Variants in PPP1R14C observed in about 807,000 individuals in gnomAD.
The protein encoded by PPP1R14C is protein phosphatase 1 regulatory subunit 14C.
PPP1R14C carries 16 observed loss-of-function variants against 20.4 expected under a neutral mutation model. The ratio of observed to expected loss-of-function variants is 0.78; its 90% CI spans 0.53 to 1.19. PPP1R14C has a LOEUF of 1.19. Among genes scored for constraint, PPP1R14C ranks in the 50% most tolerant of loss-of-function variants. The pLI is 0.00. For missense variants in PPP1R14C, 211 were observed against 220.1 expected, an observed-to-expected ratio of 0.96 and a Z score of 0.26; for synonymous variants, 91 against 91.0, an observed-to-expected ratio of 1.00 and a Z score of 0.00.
At chr6:150,216,058 G>C (rs1778087942) in intron 2 of PPP1R14C, among the ~76,000 whole-genome samples, 1 of 152,224 alleles carries the variant, frequency 6.6e-6, no homozygotes. Flanking sequence ...AAACCGGAAA[G>C]GGGGATTTGG....
At chr6:150,174,451 T>C (rs542319194) in intron 1 of PPP1R14C, among the ~76,000 whole-genome samples, 21 of 151,770 alleles carry the variant, frequency 1.4e-4, no homozygotes, top group African/African-American at 2.7e-4. Flanking sequence ...CTCCTGACCT[T>C]GTGATCCGCC....
chr6:150,151,141 CTG>C lies in PPP1R14C; in HGVS notation c.306+7645_306+7646del, dbSNP rs764504202. Among the ~76,000 whole-genome samples, 746 of 152,118 alleles carry C rather than the reference CTG, an allele frequency of 4.9e-3. 5 individuals are homozygous for C. Among genetic ancestry groups the C allele is most frequent in the African/African-American group, 0.017 (713 of 41,478 alleles). On this transcript the variant is annotated intron_variant, in intron 1 of 3. Transcript: ENST00000361131. ...GTCCATATGCGGACAACGTGTGACT[CTG>C]TATTTTTAGCCCTGATCTGTTTTCT... is the stretch of plus-strand genomic sequence containing the variant.
intron 1 of PPP1R14C, among the ~76,000 whole-genome samples, chr6:150,159,044 T>C (rs1429522788): frequency 6.6e-6 from 1 of 152,108 alleles, no homozygotes; most frequent in Non-Finnish European, 1.5e-5. Context: ...TCTCTGAGGA[T>C]GAGGATGGTA....
chr6:150,168,533 C>CAACAAAACAAAACAA (rs370806291), intron 1 of PPP1R14C, among the ~76,000 whole-genome samples: 14,080 of 148,868 alleles, frequency 0.095, 826 homozygotes, highest in African/African-American at 0.16. Flanking sequence ...ACTCCCGTCT[C>CAACAAAACAAAACAA]AACAAAACAA....
At chr6:150,167,363 G>A (rs1367873346) in intron 1 of PPP1R14C, among the ~76,000 whole-genome samples, 6 of 151,996 alleles carry the variant, frequency 3.9e-5, no homozygotes, top group Admixed American at 3.3e-4. Flanking sequence ...GCAAGACTCC[G>A]TCTCGGGGGG....
At chr6:150,199,017 G>A (rs1343607343) in intron 1 of PPP1R14C, among the ~76,000 whole-genome samples, 1 of 145,616 alleles carries the variant, frequency 6.9e-6, no homozygotes, top group Non-Finnish European at 1.5e-5. Flanking sequence ...TTTTTTTATT[G>A]TCACCATCTA....
chr6:150,207,875 T>C (rs1177435216), intron 1 of PPP1R14C, among the ~76,000 whole-genome samples: 4 of 152,084 alleles, frequency 2.6e-5, no homozygotes, highest in African/African-American at 9.7e-5. Flanking sequence ...GGAACCAATT[T>C]CCAACCTCAA....
At position 150,185,466 on chromosome 6, in the gene PPP1R14C, C is replaced by G. The variant is rs1777666844; in HGVS notation, c.307-29278C>G. The stretch of plus-strand genomic sequence containing the variant: ...CATTAACCACAGGAATTTCCAGCAA[C>G]AGTCCACTACCATATTCCTAGCACT... On this transcript the variant is annotated intron_variant, in intron 1 of 3. Coordinates refer to ENST00000361131, the MANE Select transcript of PPP1R14C (RefSeq NM_030949.3). The surrounding 1 kb of genome is among the most constrained non-coding windows in gnomAD (Gnocchi z 4.1). Among the ~76,000 whole-genome samples the G allele has an allele frequency of 6.6e-6, 1 of 152,152 alleles. No individual in the cohort carries two copies. The highest frequency in any genetic ancestry group is 6.5e-5 in the Admixed American group (1 of 15,272).
At chr6:150,159,271 C>T (rs996127505) in intron 1 of PPP1R14C, among the ~76,000 whole-genome samples, 2 of 152,182 alleles carry the variant, frequency 1.3e-5, no homozygotes, top group Admixed American at 1.3e-4. Flanking sequence ...CAAATACACA[C>T]AAAAGCCTTT....
chr6:150,212,642 G>A (rs1778040517), intron 1 of PPP1R14C, among the ~76,000 whole-genome samples: 3 of 152,208 alleles, frequency 2.0e-5, no homozygotes, highest in Admixed American at 2.0e-4. Flanking sequence ...AGCCACAGTG[G>A]TATAGCTGGC....
intron 1 of PPP1R14C, among the ~76,000 whole-genome samples, chr6:150,152,350 C>G (rs1169289329): frequency 6.6e-6 from 1 of 152,168 alleles, no homozygotes; most frequent in Non-Finnish European, 1.5e-5. Flanking sequence ...CACGGTGCTT[C>G]AGAGCCACCT....
chr6:150,168,508 G>A (rs1055384284), intron 1 of PPP1R14C, among the ~76,000 whole-genome samples: 2 of 136,238 alleles, frequency 1.5e-5, no homozygotes, highest in East Asian at 2.0e-4. Context: ...ACTCCAGCCT[G>A]GGCGAAAGAG....
rs1777668524 is a variant in PPP1R14C at position 150,185,645 on chromosome 6, G to A, written c.307-29099G>A. Among the ~76,000 whole-genome samples, 1 of 152,110 alleles carries A rather than the reference G, an allele frequency of 6.6e-6. No homozygotes were observed. The highest frequency in any genetic ancestry group is 2.4e-5 in the African/African-American group (1 of 41,406). On this transcript the variant is annotated intron_variant, in intron 1 of 3. Transcript: ENST00000361131. The surrounding 1 kb of genome is among the most constrained non-coding windows in gnomAD (Gnocchi z 4.1). Reference sequence around the variant, plus strand: ...TCCCTGTCTGTATTAGGAAGCTGATGATCATTTATTATTCCAGCAAGCAGT... The same window carrying A: ...TCCCTGTCTGTATTAGGAAGCTGATAATCATTTATTATTCCAGCAAGCAGT...
At chr6:150,197,082 G>A (rs1777813545) in intron 1 of PPP1R14C, among the ~76,000 whole-genome samples, 2 of 152,184 alleles carry the variant, frequency 1.3e-5, no homozygotes, top group African/African-American at 4.8e-5. Context: ...GCTGCTTGCT[G>A]CACCTCTATA....
chr6:150,146,141 A>C (rs1455123250), intron 1 of PPP1R14C, among the ~76,000 whole-genome samples: 5 of 152,204 alleles, frequency 3.3e-5, no homozygotes, highest in African/African-American at 1.2e-4. Context: ...GGGCTAATTC[A>C]TTTAGTCTTC....
intron 1 of PPP1R14C, among the ~76,000 whole-genome samples, chr6:150,163,337 G>A (rs1025344625): frequency 6.6e-6 from 1 of 152,220 alleles, no homozygotes; most frequent in Non-Finnish European, 1.5e-5. Context: ...ATTGCAGTGA[G>A]CGGAGATCGC....
chr6:150,163,119 C>A (rs1034636472), intron 1 of PPP1R14C, among the ~76,000 whole-genome samples: 1 of 152,182 alleles, frequency 6.6e-6, no homozygotes, highest in Admixed American at 6.5e-5. Context: ...AGGCCAGGCG[C>A]GGTGGCTCAT....
At chr6:150,163,282 T>C (rs1777390500) in intron 1 of PPP1R14C, among the ~76,000 whole-genome samples, 1 of 152,044 alleles carries the variant, frequency 6.6e-6, no homozygotes, top group African/African-American at 2.4e-5. Context: ...TCCCAGCTAC[T>C]CGGGAGGCTG....
Position 150,201,217 on chromosome 6 carries a change from G to A in PPP1R14C, c.307-13527G>A, listed in dbSNP as rs1030645689. Among the ~76,000 whole-genome samples the A allele has an allele frequency of 1.3e-5, 2 of 152,192 alleles. No individual in the cohort carries two copies. The highest frequency in any genetic ancestry group is 1.5e-5 in the Non-Finnish European group (1 of 68,034). On this transcript the variant is annotated intron_variant, in intron 1 of 3. Transcript: ENST00000361131. The surrounding 1 kb of genome is among the most constrained non-coding windows in gnomAD (Gnocchi z 4.2). ...TGATTATCGGGGTCATGTGTCAGGC[G>A]CTATCCCAGGCACTGCTCTTGGTCC...
Sources: gnomAD v4.1 joint callset for allele counts (sites outside exome capture counted in the v4.1 genomes callset) on GRCh38, gnomAD v4.1.1 for gene constraint, Gnocchi (gnomAD v3.1) non-coding constraint, MANE v1.5 for transcripts, NCBI Gene and HGNC (gene_info 2026-07-23, HGNC 2026-07-21) for gene names.